The following GDE1 variants were observed in gnomAD, a reference collection of about 807,000 sequenced individuals.
GDE1 encodes glycerophosphodiester phosphodiesterase 1, also known as RGS16-interacting membrane protein.
GDE1 carries 24 observed loss-of-function variants against 32.2 expected under a neutral mutation model. The observed-to-expected ratio is 0.75, with a 90% CI of 0.54 to 1.05. The LOEUF is 1.05. Among genes scored for constraint, GDE1 ranks in the 50% least tolerant of loss-of-function variants. GDE1 has a pLI of 0.00. For missense variants in GDE1, 380 were observed against 415.0 expected (o/e 0.92, Z 0.73); for synonymous variants, 159 against 158.6 (o/e 1.00, Z -0.02).
chr16:19,506,319 A>C (rs1463756197), intron 4 of GDE1, among the ~76,000 whole-genome samples: 2 of 152,132 alleles, frequency 1.3e-5, no homozygotes, highest in East Asian at 3.9e-4. Context: ...AACAAACAAA[A>C]AAAACAGAGA....
intron 1 of GDE1, among the ~76,000 whole-genome samples, chr16:19,518,761 A>G (rs1346144428): frequency 6.6e-6 from 1 of 152,232 alleles, no homozygotes; most frequent in Non-Finnish European, 1.5e-5. Context: ...TGTCCTTTTA[A>G]ACACATCTTT....
chr16:19,509,274 C>T (rs1356300551), intron 3 of GDE1, among the ~76,000 whole-genome samples: 1 of 152,104 alleles, frequency 6.6e-6, no homozygotes, highest in Non-Finnish European at 1.5e-5. Flanking sequence ...TGCACTCCAG[C>T]CTAGGTGACA....
intron 2 of GDE1, among the ~76,000 whole-genome samples, chr16:19,511,656 T>C (rs1969320095): frequency 6.6e-6 from 1 of 152,150 alleles, no homozygotes; most frequent in African/African-American, 2.4e-5. Context: ...ATTTATACCT[T>C]CTATCGAACT....
chr16:19,515,212 C>T (rs1319141554), intron 2 of GDE1, among the ~76,000 whole-genome samples: 3 of 152,116 alleles, frequency 2.0e-5, no homozygotes, highest in Non-Finnish European at 1.5e-5. Context: ...CCTCCTTATC[C>T]TCCTCTCAGG....
intron 1 of GDE1, among the ~76,000 whole-genome samples, chr16:19,517,561 T>G (rs1278865887): frequency 6.6e-6 from 1 of 152,180 alleles, no homozygotes; most frequent in Non-Finnish European, 1.5e-5. Context: ...GCAGTTCTGA[T>G]GATCACCCTA....
chr16:19,505,198 G>T (rs1209619873), intron 4 of GDE1, 106 bp from the exon 5 acceptor site: 2 of 767,704 alleles, frequency 2.6e-6, no homozygotes, highest in African/African-American at 3.4e-5. Context: ...GTCATGGTTG[G>T]TACCCTGCCC....
At chr16:19,503,709 C>T (rs1969208873) in intron 5 of GDE1, 92 bp from the exon 6 acceptor site, 2 of 1,033,698 alleles carry the variant, frequency 1.9e-6, no homozygotes, top group East Asian at 4.8e-5. Context: ...CACTGCATAC[C>T]AATGGTGCCC....
At chr16:19,511,045 G>T in intron 2 of GDE1, 101 bp from the exon 3 acceptor site, 17 of 557,110 alleles carry the variant, frequency 3.1e-5, no homozygotes, top group South Asian at 8.4e-5. Context: ...AGGAAAGAGT[G>T]TTTTCTCCAA....
At chr16:19,521,569 A>C (rs1013475868) in intron 1 of GDE1, 135 bp downstream of exon 1, 1 of 948,216 alleles carries the variant, frequency 1.1e-6, no homozygotes, top group African/African-American at 1.6e-5. Flanking sequence ...GGGAGCGATC[A>C]AGGGCCGGGA....
In GDE1 at chr16:19,505,014, G is replaced by C; in HGVS notation, c.715C>G (p.Pro239Ala). 6.2e-7 allele frequency: 1 copy of C among 1,612,774 alleles called. No individual in the cohort carries two copies. Among genetic ancestry groups the C allele is most frequent in the Non-Finnish European group, 8.5e-7 (1 of 1,178,772 alleles). ...WSLSHTGDGK[P>A]RYDTFWKHFI... The stretch of plus-strand genomic sequence containing the variant: ...TGTTTCCAGAAAGTATCATAGCGTG[G>C]TTTCCCATCTCCTGTATGGCTTAGG... The change falls in exon 5 of 6, where the codon CCA becomes GCA. Residue 239 changes from proline (P) to alanine (A), a missense_variant. Transcript: ENST00000353258.
intron 5 of GDE1, chr16:19,503,919 A>C: frequency 3.5e-6 from 1 of 289,352 alleles, no homozygotes; most frequent in Non-Finnish European, 6.4e-6. Context: ...GCTTCATCTC[A>C]CACCACATTC....
Position 19,521,448 on chromosome 16 carries a change from T to A in GDE1, c.261+256A>T, listed in dbSNP as rs1363103202. 3 of 522,758 alleles carry A rather than the reference T, an allele frequency of 5.7e-6. No homozygotes were observed. In the Admixed American group the frequency reaches 9.6e-5, roughly 17 times the overall value. The allele number at this position is 522,758 out of a possible 1,614,324, so 32.4% of individuals were successfully genotyped here. On this transcript the variant is annotated intron_variant, in intron 1 of 5. Coordinates refer to ENST00000353258, the MANE Select transcript of GDE1 (RefSeq NM_016641.4). ...ACACTCTGTAAACCAGGGACACTTT[T>A]GACCTTGTTCCTGGCTGTATGTAAC...
chr16:19,503,560 A>G lies in GDE1; in HGVS notation c.906T>C (p.Asn302=), dbSNP rs375363626. Residue 302 remains asparagine, a synonymous_variant, in exon 6 of 6, where the codon AAT becomes AAC. Transcript: ENST00000353258. ...KGIQVVGWTV[N]TFDEKSYYES... is the part of the protein sequence containing the mutation. ...CGTAGTAACTCTTTTCATCAAAGGT[A>G]TTAACAGTCCAACCAACAACCTGGA... 158 of 1,613,476 alleles carry G rather than the reference A, an allele frequency of 9.8e-5. No individual in the cohort carries two copies. The Middle Eastern group carries it at 2.6e-3, about 27-fold the overall frequency.
Position 19,521,970 on chromosome 16 carries a change from C to T in GDE1, c.-6G>A. The T allele has an allele frequency of 6.5e-7, 1 of 1,529,756 alleles. No individual in the cohort carries two copies. The allele number at this position is 1,529,756 out of a possible 1,614,324, so 94.8% of individuals were successfully genotyped here. A position where few individuals can be genotyped will look rare whatever the true frequency, so the allele number is the denominator to read the frequency against. On this transcript the variant is annotated 5_prime_UTR_variant, in exon 1 of 6. Coordinates refer to ENST00000353258, the MANE Select transcript of GDE1 (RefSeq NM_016641.4). ...TGGTCCTCCCACAGCCACATGCCGGCGCCCGCACCGGCACGGACGGGAGTC... is the reference window on the plus strand; with the variant it reads ...TGGTCCTCCCACAGCCACATGCCGGTGCCCGCACCGGCACGGACGGGAGTC...
intron 3 of GDE1, among the ~76,000 whole-genome samples, chr16:19,509,656 TTCA>T: frequency 7.0e-6 from 1 of 143,196 alleles, no homozygotes. Flanking sequence ...GGCTCCACAT[TTCA>T]GGTTTTTTTT....
intron 3 of GDE1, among the ~76,000 whole-genome samples, chr16:19,509,546 G>A (rs1969289988): frequency 6.6e-6 from 1 of 152,034 alleles, no homozygotes; most frequent in Non-Finnish European, 1.5e-5. Flanking sequence ...AAACCTAGAC[G>A]TATACAACTA....
chr16:19,511,514 G>C (rs760913313), intron 2 of GDE1, among the ~76,000 whole-genome samples: 1 of 151,810 alleles, frequency 6.6e-6, no homozygotes, highest in African/African-American at 2.4e-5. Context: ...ATAAAATCAG[G>C]GTATTTAGGA....
Position 19,522,066 on chromosome 16 carries a change from A to G in GDE1, c.-102T>C. The G allele has an allele frequency of 3.2e-6, 4 of 1,268,756 alleles. No homozygotes were observed. Among genetic ancestry groups the G allele is most frequent in the Middle Eastern group, 2.8e-4 (1 of 3,616 alleles). The allele number at this position is 1,268,756 out of a possible 1,614,324, so 78.6% of individuals were successfully genotyped here. A position where few individuals can be genotyped will look rare whatever the true frequency, so the allele number is the denominator to read the frequency against. On this transcript the variant is annotated 5_prime_UTR_variant, in exon 1 of 6. Transcript: ENST00000353258. ...GAGGGTCCAAGGCACCGGCAGCAGC[A>G]GGAACCCTCTGAGGGGACCAGCGCC... is the stretch of plus-strand genomic sequence containing the variant.
In GDE1 at chr16:19,505,079, TC is replaced by T; in HGVS notation, c.649del (p.Asp217IlefsTer4). On this transcript the variant is annotated frameshift_variant, in exon 5 of 6. Coordinates refer to ENST00000353258, the MANE Select transcript of GDE1 (RefSeq NM_016641.4). LOFTEE classifies it high-confidence loss of function. ...AGTTAATGCTGTTATTACATCCCGA[TC>T]TGTTTGTCTCATCTGCAAAGGAATT... ...PEVIYKMRQT[D>X]RDVITALTHR... The T allele has an allele frequency of 6.2e-7, 1 of 1,607,388 alleles. No homozygotes were observed. The highest frequency in any genetic ancestry group is 2.2e-5 in the East Asian group (1 of 44,850).
Sources: allele counts gnomAD v4.1 joint callset (sites outside exome capture counted in the v4.1 genomes callset), GRCh38; gene constraint gnomAD v4.1.1; transcripts MANE v1.5; gene names NCBI Gene and HGNC (gene_info 2026-07-23, HGNC 2026-07-21).